The following CACNA2D1 variants were observed in gnomAD, a reference collection of about 807,000 sequenced individuals.
The protein encoded by CACNA2D1 is calcium voltage-gated channel auxiliary subunit alpha2delta 1, also known as voltage-dependent calcium channel subunit alpha-2/delta-1.
A neutral mutation model predicts 171.5 loss-of-function variants in CACNA2D1; 53 were observed. That is an observed-to-expected ratio of 0.31 (90% CI 0.25 to 0.39). CACNA2D1 has a LOEUF of 0.39. Among genes scored for constraint, CACNA2D1 ranks in the 10% least tolerant of loss-of-function variants. The pLI is 1.00. For missense variants in CACNA2D1, 903 were observed against 1,299.8 expected (o/e 0.69, Z 4.69); for synonymous variants, 442 against 443.1 (o/e 1.00, Z 0.03).
intron 3 of CACNA2D1, among the ~76,000 whole-genome samples, chr7:82,222,109 G>C (rs1248567561): frequency 6.6e-6 from 1 of 152,140 alleles, no homozygotes; most frequent in African/African-American, 2.4e-5. Flanking sequence ...GGTTTCTGCA[G>C]GAGGCAAAGA....
At chr7:82,013,124 T>C (rs1362671094) in intron 14 of CACNA2D1, among the ~76,000 whole-genome samples, 2 of 152,008 alleles carry the variant, frequency 1.3e-5, no homozygotes, top group African/African-American at 4.8e-5. Context: ...ACCTACAATT[T>C]GAAGAAACTT....
At chr7:82,308,529 C>A (rs1237926619) in intron 3 of CACNA2D1, among the ~76,000 whole-genome samples, 1 of 152,136 alleles carries the variant, frequency 6.6e-6, no homozygotes, top group Non-Finnish European at 1.5e-5. Flanking sequence ...TAAAAAGCCA[C>A]CTGTTCAACT....
chr7:81,988,572 T>C (rs1797207818), intron 21 of CACNA2D1, among the ~76,000 whole-genome samples: 2 of 152,094 alleles, frequency 1.3e-5, no homozygotes, highest in African/African-American at 4.8e-5. Context: ...AGGAGAGAAA[T>C]AGTTGAGTTC....
intron 3 of CACNA2D1, among the ~76,000 whole-genome samples, chr7:82,308,069 TCC>T (rs1813953799): frequency 6.6e-6 from 1 of 152,222 alleles, no homozygotes; most frequent in Admixed American, 6.5e-5. Flanking sequence ...TCTGTTGACT[TCC>T]TTTCTTATTG....
chr7:82,168,586 C>A (rs1169142578), intron 4 of CACNA2D1, among the ~76,000 whole-genome samples: 1 of 151,968 alleles, frequency 6.6e-6, no homozygotes, highest in Non-Finnish European at 1.5e-5. Context: ...TTACCCATTA[C>A]CTCAATATAG....
At chr7:82,019,066 A>G (rs2131001569) in intron 12 of CACNA2D1, among the ~76,000 whole-genome samples, 1 of 152,122 alleles carries the variant, frequency 6.6e-6, no homozygotes, top group South Asian at 2.1e-4. Flanking sequence ...TCATGTCTGT[A>G]ATTCCAGCAC....
intron 18 of CACNA2D1, among the ~76,000 whole-genome samples, chr7:82,004,152 T>A (rs1002272571): frequency 1.3e-5 from 2 of 152,248 alleles, no homozygotes; most frequent in African/African-American, 4.8e-5. Context: ...TATAAAAAAA[T>A]TTAAGATATA....
At chr7:82,247,038 C>T (rs996531212) in intron 3 of CACNA2D1, among the ~76,000 whole-genome samples, 2 of 152,156 alleles carry the variant, frequency 1.3e-5, no homozygotes, top group African/African-American at 4.8e-5. Flanking sequence ...AGTCTTCAGA[C>T]TGTCAGCCAT....
At chr7:82,267,760 C>T (rs1451638953) in intron 3 of CACNA2D1, among the ~76,000 whole-genome samples, 1 of 152,030 alleles carries the variant, frequency 6.6e-6, no homozygotes, top group Non-Finnish European at 1.5e-5. Flanking sequence ...TTTGGGAGGC[C>T]GAGGTGGGCG....
intron 10 of CACNA2D1, among the ~76,000 whole-genome samples, chr7:82,056,214 G>T (rs7810876): frequency 0.1 from 15,669 of 151,828 alleles, 937 homozygotes; most frequent in Middle Eastern, 0.19. Flanking sequence ...TCAATATGTT[G>T]TGGAAAATAA....
intron 9 of CACNA2D1, among the ~76,000 whole-genome samples, chr7:82,062,592 C>G (rs1044472310): frequency 8.2e-6 from 1 of 121,736 alleles, no homozygotes; most frequent in Non-Finnish European, 1.6e-5. Context: ...AGATCAGGTA[C>G]TATGTCTTTT....
intron 12 of CACNA2D1, among the ~76,000 whole-genome samples, chr7:82,026,846 A>G (rs548857773): frequency 2.1e-4 from 32 of 151,810 alleles, no homozygotes; most frequent in Non-Finnish European, 3.4e-4. Context: ...GGCATAAACA[A>G]TTACTACACA....
chr7:82,053,693 CTGAT>C (rs1168419258), intron 10 of CACNA2D1, among the ~76,000 whole-genome samples: 1 of 152,104 alleles, frequency 6.6e-6, no homozygotes, highest in Non-Finnish European at 1.5e-5. Flanking sequence ...AAATGTCTTC[CTGAT>C]TATTTATCTT....
In CACNA2D1 at chr7:82,429,050, G is replaced by A. The variant is rs537029125; in HGVS notation, c.95+14315C>T. On this transcript the variant is annotated intron_variant, in intron 1 of 38. Coordinates refer to ENST00000356860, the MANE Select transcript of CACNA2D1 (RefSeq NM_000722.4). ...GGACAAAAAAGTAAAATAATCAGCA[G>A]TTATATATCACATCCACTTTGATGT... 3.3e-5 allele frequency among the ~76,000 whole-genome samples: 5 copies of A among 152,266 alleles called. No individual in the cohort carries two copies. The East Asian group carries it at 7.7e-4, about 24-fold the overall frequency.
At chr7:82,418,933 C>T (rs1027706732) in intron 1 of CACNA2D1, among the ~76,000 whole-genome samples, 10 of 151,872 alleles carry the variant, frequency 6.6e-5, no homozygotes, top group African/African-American at 1.4e-4. Context: ...GGTGAAACCC[C>T]GTCTCTACTA....
chr7:82,219,740 C>T (rs1801546863), intron 3 of CACNA2D1, among the ~76,000 whole-genome samples: 1 of 152,072 alleles, frequency 6.6e-6, no homozygotes, highest in Admixed American at 6.6e-5. Flanking sequence ...AAGCTTGACT[C>T]AAATTTCAAT....
intron 2 of CACNA2D1, among the ~76,000 whole-genome samples, chr7:82,346,684 TC>T (rs1468383795): frequency 6.6e-6 from 1 of 152,038 alleles, no homozygotes; most frequent in Non-Finnish European, 1.5e-5. Context: ...TTCCTTACAC[TC>T]TTTTCTTTTT....
At chr7:81,983,484 T>G (rs1796645290) in intron 22 of CACNA2D1, 150 bp from the exon 23 acceptor site, 1 of 682,918 alleles carries the variant, frequency 1.5e-6, no homozygotes, top group Non-Finnish European at 2.6e-6. Flanking sequence ...AGCTGTAGTC[T>G]GAGGAAAAAA....
chr7:82,299,536 CT>C (rs1563331624), intron 3 of CACNA2D1, among the ~76,000 whole-genome samples: 1 of 151,864 alleles, frequency 6.6e-6, no homozygotes, highest in African/African-American at 2.4e-5. Context: ...TGGTAGGCAC[CT>C]GTAGTCCCAG....
Sources: allele counts gnomAD v4.1 joint callset (sites outside exome capture counted in the v4.1 genomes callset), GRCh38; gene constraint gnomAD v4.1.1; transcripts MANE v1.5; gene names NCBI Gene and HGNC (gene_info 2026-07-23, HGNC 2026-07-21).